Variants in ARID4A observed in about 807,000 individuals in gnomAD.
ARID4A encodes the protein AT-rich interaction domain 4A.
A neutral mutation model predicts 148.6 loss-of-function variants in ARID4A; 39 were observed. The observed-to-expected ratio is 0.26, with a 90% CI of 0.20 to 0.34. ARID4A has a LOEUF of 0.34. Ranked by LOEUF, ARID4A falls within the 10% of genes least tolerant of loss-of-function variation. The pLI is 1.00. For synonymous variants in ARID4A, 475 were observed against 481.2 expected (o/e 0.99, Z 0.17); for missense variants, 1,265 against 1,449.1 (o/e 0.87, Z 2.06).
Position 58,323,487 on chromosome 14 carries a change from C to T in ARID4A, c.452C>T (p.Thr151Ile), listed in dbSNP as rs747159680. The T allele has an allele frequency of 1.2e-6, 2 of 1,607,150 alleles. No homozygotes were observed. Among genetic ancestry groups the T allele is most frequent in the Non-Finnish European group, 1.7e-6 (2 of 1,173,960 alleles). ...NRGRRSSLPVTEDEKEEESSE... is the reference protein window; with the variant it reads ...NRGRRSSLPVIEDEKEEESSE... ...GATCAAGTTATTCTAACTTTTAGTACTGAAGATGAAAAGGAAGAAGAAAGC... is the reference window on the plus strand; with the variant it reads ...GATCAAGTTATTCTAACTTTTAGTATTGAAGATGAAAAGGAAGAAGAAAGC... The change falls in exon 8 of 24, where the codon ACT becomes ATT. Residue 151 changes from threonine (T) to isoleucine (I), a missense_variant and splice_region_variant. Coordinates refer to ENST00000355431, the MANE Select transcript of ARID4A (RefSeq NM_002892.4).
chr14:58,357,592 G>GT (rs962913414), intron 17 of ARID4A, among the ~76,000 whole-genome samples: 7 of 144,586 alleles, frequency 4.8e-5, no homozygotes, highest in African/African-American at 1.3e-4. Flanking sequence ...TAAAACATGA[G>GT]TTTTTTTTAT....
chr14:58,316,875 C>G (rs1205018848), intron 5 of ARID4A, among the ~76,000 whole-genome samples: 1 of 150,076 alleles, frequency 6.7e-6, no homozygotes, highest in South Asian at 2.2e-4. Context: ...TCACCGCGCC[C>G]GGCCAAGTAG....
chr14:58,318,931 C>G (rs1266363072), intron 7 of ARID4A, 126 bp downstream of exon 7: 1 of 708,646 alleles, frequency 1.4e-6, no homozygotes, highest in African/African-American at 1.8e-5. Context: ...TTATGTTAGA[C>G]ATTTTACCCT....
intron 8 of ARID4A, 124 bp downstream of exon 8, chr14:58,323,741 T>A (rs2033047508): frequency 1.2e-5 from 9 of 777,968 alleles, no homozygotes; most frequent in Non-Finnish European, 1.9e-5. Context: ...GGAGATTTTT[T>A]AATTGAATAA....
chr14:58,306,482 C>T (rs1288704471), intron 5 of ARID4A, among the ~76,000 whole-genome samples: 4 of 152,124 alleles, frequency 2.6e-5, no homozygotes, highest in Non-Finnish European at 5.9e-5. Context: ...TAGATGTTGC[C>T]AGACAATTTA....
chr14:58,347,416 T>G (rs192565837), intron 14 of ARID4A, among the ~76,000 whole-genome samples: 3 of 152,334 alleles, frequency 2.0e-5, no homozygotes, highest in Admixed American at 2.0e-4. Flanking sequence ...TCAAAACTTA[T>G]GATAGTTATG....
intron 11 of ARID4A, among the ~76,000 whole-genome samples, chr14:58,331,895 T>G (rs1220777050): frequency 2.1e-5 from 1 of 47,216 alleles, no homozygotes. Flanking sequence ...TTTTTTAAAT[T>G]AACCTTAGGA....
chr14:58,308,238 G>A (rs889567243), intron 5 of ARID4A, among the ~76,000 whole-genome samples: 2 of 152,180 alleles, frequency 1.3e-5, no homozygotes, highest in African/African-American at 2.4e-5. Flanking sequence ...TTCTCAAAGA[G>A]CTTTAGAATC....
intron 23 of ARID4A, among the ~76,000 whole-genome samples, chr14:58,368,445 C>G (rs2035454632): frequency 6.6e-6 from 1 of 152,122 alleles, no homozygotes. Context: ...TCATATACAG[C>G]TTTCAGTCAG....
At chr14:58,368,707 G>A (rs547791702) in intron 23 of ARID4A, among the ~76,000 whole-genome samples, 1 of 152,128 alleles carries the variant, frequency 6.6e-6, no homozygotes, top group Non-Finnish European at 1.5e-5. Flanking sequence ...TGGAATATTT[G>A]TACATAATGA....
chr14:58,311,341 C>T (rs1356248716), intron 5 of ARID4A, among the ~76,000 whole-genome samples: 2 of 152,232 alleles, frequency 1.3e-5, no homozygotes, highest in African/African-American at 2.4e-5. Flanking sequence ...AAGAACTGTT[C>T]AACATCAGTA....
At chr14:58,334,316 A>G (rs1207710660) in intron 11 of ARID4A, among the ~76,000 whole-genome samples, 1 of 152,190 alleles carries the variant, frequency 6.6e-6, no homozygotes, top group Non-Finnish European at 1.5e-5. Context: ...ATGGGGAAAA[A>G]TTACTAGGCT....
chr14:58,303,573 G>A (rs1462128430), intron 3 of ARID4A: 2 of 470,668 alleles, frequency 4.2e-6, no homozygotes, highest in African/African-American at 2.0e-5. Context: ...CGTCTGACTT[G>A]TTCTATGCCC....
At chr14:58,320,257 T>C (rs1336333949) in intron 7 of ARID4A, among the ~76,000 whole-genome samples, 3 of 152,048 alleles carry the variant, frequency 2.0e-5, no homozygotes, top group Non-Finnish European at 4.4e-5. Context: ...ATACTAATTA[T>C]TTTTATATTT....
chr14:58,299,838 A>G lies in ARID4A; in HGVS notation c.-17A>G. 1.2e-6 allele frequency: 2 copies of G among 1,614,172 alleles called. No homozygotes were observed. Among genetic ancestry groups the G allele is most frequent in the Non-Finnish European group, 1.7e-6 (2 of 1,180,014 alleles). On this transcript the variant is annotated 5_prime_UTR_variant, in exon 2 of 24. Coordinates refer to ENST00000355431, the MANE Select transcript of ARID4A (RefSeq NM_002892.4). ...AGATAGCTCGCTGAGCTGGAACCCCACAGATCACCAACAAAAATGAAGGTA... is the reference window on the plus strand; with the variant it reads ...AGATAGCTCGCTGAGCTGGAACCCCGCAGATCACCAACAAAAATGAAGGTA...
intron 7 of ARID4A, among the ~76,000 whole-genome samples, chr14:58,319,358 C>T (rs2032693467): frequency 6.6e-6 from 1 of 151,948 alleles, no homozygotes; most frequent in African/African-American, 2.4e-5. Flanking sequence ...TGAGCCACCA[C>T]ACCCAGCCTG....
At chr14:58,335,098 C>G (rs1261893002) in intron 11 of ARID4A, among the ~76,000 whole-genome samples, 1 of 152,078 alleles carries the variant, frequency 6.6e-6, no homozygotes, top group Non-Finnish European at 1.5e-5. Flanking sequence ...TGTACTAAAC[C>G]AAACACATTT....
At position 58,320,599 on chromosome 14, in the gene ARID4A, C is replaced by CT. The variant is rs778275420; in HGVS notation, c.449+1815dup. Among the ~76,000 whole-genome samples the CT allele has an allele frequency of 8.9e-3, 1,134 of 127,560 alleles. 19 individuals carry two copies. Among genetic ancestry groups the CT allele is most frequent in the African/African-American group, 0.022 (751 of 34,402 alleles). The allele number at this position is 127,560 out of a possible 152,430, so 83.7% of individuals were successfully genotyped here. ...AGCCTTTTTTCTTCCATGACATTGA[C>CT]TTTTTTTTTTTTTTTTTTTTTCCCC... On this transcript the variant is annotated intron_variant, in intron 7 of 23. Transcript: ENST00000355431.
chr14:58,323,378 T>G, intron 7 of ARID4A, 107 bp from the exon 8 acceptor site: 1 of 1,259,612 alleles, frequency 7.9e-7, no homozygotes, highest in Non-Finnish European at 1.1e-6. Context: ...GGCTACTACT[T>G]TAGGGTGTAG....
Sources: allele counts gnomAD v4.1 joint callset (sites outside exome capture counted in the v4.1 genomes callset), GRCh38; gene constraint gnomAD v4.1.1; transcripts MANE v1.5; gene names NCBI Gene and HGNC (gene_info 2026-07-23, HGNC 2026-07-21).